RALGPS2: variants seen among roughly 807,000 people sequenced by gnomAD.
RALGPS2 encodes the protein ras-specific guanine nucleotide-releasing factor RalGPS2.
In RALGPS2, 43 loss-of-function variants were observed where a neutral mutation model predicts 86.8. That is an observed-to-expected ratio of 0.50 (90% confidence interval 0.39 to 0.64). The LOEUF (loss-of-function observed/expected upper bound fraction) is 0.64, where lower values mean the gene tolerates loss of function less well. RALGPS2 is among the 30% of genes least tolerant of loss of function. RALGPS2 has a pLI of 0.00. For synonymous variants in RALGPS2, 243 were observed against 231.3 expected (o/e 1.05, Z -0.46); for missense variants, 536 against 694.6 (o/e 0.77, Z 2.57).
intron 4 of RALGPS2, among the ~76,000 whole-genome samples, chr1:178,805,391 C>G (rs1450690543): frequency 6.6e-6 from 1 of 151,546 alleles, no homozygotes; most frequent in Non-Finnish European, 1.5e-5. Flanking sequence ...GGGTTTTCTT[C>G]TAGGGTTTTT....
Position 178,787,870 on chromosome 1 carries a change from A to G in RALGPS2, c.213+2263A>G, listed in dbSNP as rs113390791. On this transcript the variant is annotated intron_variant, in intron 4 of 19. Coordinates refer to ENST00000367635, the MANE Select transcript of RALGPS2 (RefSeq NM_152663.5). ...TACCTGCATTTACTTTGACCCCTCT[A>G]AATGCTTTTTTACCCAGTAGCCATG... Among the ~76,000 whole-genome samples the G allele has an allele frequency of 4.9e-3, 753 of 152,242 alleles. 7 individuals are homozygous for G. The highest frequency in any genetic ancestry group is 0.016 in the African/African-American group (684 of 41,536).
At chr1:178,747,254 T>C in intron 1 of RALGPS2, 1 of 1,506,466 alleles carries the variant, frequency 6.6e-7, no homozygotes, top group East Asian at 2.3e-5. Flanking sequence ...TTCTCTCACT[T>C]TAAACAAGAA....
At chr1:178,895,238 A>G (rs1036368901) in intron 16 of RALGPS2, among the ~76,000 whole-genome samples, 1 of 152,046 alleles carries the variant, frequency 6.6e-6, no homozygotes, top group Non-Finnish European at 1.5e-5. Flanking sequence ...GCTTTTGAAG[A>G]TATGGGGGCT....
Position 178,776,741 on chromosome 1 carries a change from A to C in RALGPS2, c.-24A>C, listed in dbSNP as rs544774888. 2 of 1,592,516 alleles carry C rather than the reference A, an allele frequency of 1.3e-6. No individual in the cohort carries two copies. The highest frequency in any genetic ancestry group is 2.7e-5 in the African/African-American group (2 of 74,220). ...TCAGTCCTCTGTTGCTGTTAACATA[A>C]GGTCAGGGACTGATGAGGAAAGCAT... On this transcript the variant is annotated 5_prime_UTR_variant, in exon 2 of 20. Transcript: ENST00000367635.
chr1:178,729,333 C>T, intron 1 of RALGPS2, among the ~76,000 whole-genome samples: 1 of 152,052 alleles, frequency 6.6e-6, no homozygotes, highest in Admixed American at 6.6e-5. Flanking sequence ...TTATTATCTG[C>T]CTCCCTCTCT....
chr1:178,900,704 T>C (rs1660135339), intron 17 of RALGPS2, among the ~76,000 whole-genome samples: 1 of 151,854 alleles, frequency 6.6e-6, no homozygotes, highest in African/African-American at 2.4e-5. Flanking sequence ...TGTAAATATA[T>C]CCCCCATTAA....
chr1:178,852,746 A>T, intron 8 of RALGPS2: 1 of 1,613,906 alleles, frequency 6.2e-7, no homozygotes, highest in Non-Finnish European at 8.5e-7. Flanking sequence ...CACATCATAG[A>T]ATCCCCTGCA....
chr1:178,811,707 G>A (rs1219846364), intron 6 of RALGPS2, among the ~76,000 whole-genome samples: 2 of 152,072 alleles, frequency 1.3e-5, no homozygotes, highest in African/African-American at 4.8e-5. Flanking sequence ...ATAAAATATT[G>A]GACTATTCTG....
chr1:178,875,477 G>C (rs1658959928), intron 8 of RALGPS2, among the ~76,000 whole-genome samples: 1 of 152,180 alleles, frequency 6.6e-6, no homozygotes, highest in Non-Finnish European at 1.5e-5. Flanking sequence ...GCCAGGTGCA[G>C]TGGCTCATGC....
chr1:178,859,145 T>TTTTTA (rs1015842842), intron 8 of RALGPS2, among the ~76,000 whole-genome samples: 1 of 152,054 alleles, frequency 6.6e-6, no homozygotes, highest in Non-Finnish European at 1.5e-5. Flanking sequence ...CCCAAACTTT[T>TTTTTA]AATTATTAAA....
At chr1:178,765,086 A>G (rs1051077326) in intron 1 of RALGPS2, among the ~76,000 whole-genome samples, 2 of 151,898 alleles carry the variant, frequency 1.3e-5, no homozygotes, top group African/African-American at 4.8e-5. Flanking sequence ...CCAGAAGCAG[A>G]AGCTTGTGCA....
chr1:178,880,673 TGTGA>T (rs1052618451), intron 10 of RALGPS2, among the ~76,000 whole-genome samples: 2 of 152,180 alleles, frequency 1.3e-5, no homozygotes, highest in African/African-American at 4.8e-5. Flanking sequence ...AAATTCAAAA[TGTGA>T]GTAAGTAGCT....
At chr1:178,892,560 A>G (rs576538459) in intron 15 of RALGPS2, among the ~76,000 whole-genome samples, 2 of 152,248 alleles carry the variant, frequency 1.3e-5, no homozygotes, top group South Asian at 4.1e-4. Flanking sequence ...CCAAGTTGGT[A>G]GCCTTTAAAC....
chr1:178,838,069 G>A (rs112567298), intron 8 of RALGPS2, among the ~76,000 whole-genome samples: 4 of 152,220 alleles, frequency 2.6e-5, no homozygotes, highest in Non-Finnish European at 5.9e-5. Flanking sequence ...GCTCAAGGAG[G>A]CCTACCTGCC....
At chr1:178,886,619 T>C (rs1659494616) in intron 13 of RALGPS2, among the ~76,000 whole-genome samples, 1 of 152,142 alleles carries the variant, frequency 6.6e-6, no homozygotes. Context: ...TAAGGTCAGA[T>C]CTGAAGATAT....
intron 10 of RALGPS2, among the ~76,000 whole-genome samples, chr1:178,880,914 G>C (rs962888907): frequency 9.2e-5 from 14 of 152,272 alleles, no homozygotes; most frequent in African/African-American, 3.4e-4. Flanking sequence ...TCTGTAAATT[G>C]ACATATCATA....
At chr1:178,741,475 T>C (rs1200305690) in intron 1 of RALGPS2, among the ~76,000 whole-genome samples, 1 of 152,264 alleles carries the variant, frequency 6.6e-6, no homozygotes, top group African/African-American at 2.4e-5. Flanking sequence ...CTGTTTCTTT[T>C]ATGTTTTTCT....
At chr1:178,850,980 A>G (rs975297456) in intron 8 of RALGPS2, 1 of 638,064 alleles carries the variant, frequency 1.6e-6, no homozygotes. Context: ...CTACATTTAT[A>G]GGTTCCCTTT....
chr1:178,765,626 C>A (rs1652465530), intron 1 of RALGPS2, among the ~76,000 whole-genome samples: 1 of 152,048 alleles, frequency 6.6e-6, no homozygotes, highest in South Asian at 2.1e-4. Flanking sequence ...CCGGTCTGAC[C>A]AAAATTTATT....
Sources: gnomAD v4.1 joint callset for allele counts (sites outside exome capture counted in the v4.1 genomes callset) on GRCh38, gnomAD v4.1.1 for gene constraint, MANE v1.5 for transcripts, NCBI Gene and HGNC (gene_info 2026-07-23, HGNC 2026-07-21) for gene names.